Variants in AOC1 observed in about 807,000 individuals in gnomAD.
AOC1 encodes the protein amine oxidase copper containing 1.
A neutral mutation model predicts 57.1 loss-of-function variants in AOC1; 58 were observed. The observed-to-expected ratio is 1.02, with a 90% CI of 0.82 to 1.26. The LOEUF is 1.26. Among genes scored for constraint, AOC1 ranks in the 50% most tolerant of loss-of-function variants. The probability of loss-of-function intolerance (pLI) is 0.00; values close to 1 mark genes in which losing one functional copy is unlikely to be tolerated. For missense variants in AOC1, 917 were observed against 1,005.3 expected, an observed-to-expected ratio of 0.91 and a Z score of 1.19; for synonymous variants, 401 against 423.4, an observed-to-expected ratio of 0.95 and a Z score of 0.65.
In AOC1 at chr7:150,857,513, A is replaced by G. The variant is rs777197386; in HGVS notation, c.1043A>G (p.Tyr348Cys). 4 of 1,613,800 alleles carry G rather than the reference A, an allele frequency of 2.5e-6. No individual in the cohort carries two copies. Among genetic ancestry groups the G allele is most frequent in the African/African-American group, 2.7e-5 (2 of 74,928 alleles). Residue 348 changes from tyrosine (Y) to cysteine (C), a missense_variant, in exon 2 of 5, where the codon TAT (tyrosine) becomes TGT (cysteine). Tyr to Cys is a radical substitution (Grantham distance 194). Transcript: ENST00000360937. The surrounding 1 kb of genome is among the most constrained non-coding windows in gnomAD (Gnocchi z 6.6). ...NVHFGGERIA[Y>C]EVSVQEAVAL... ...CACTTCGGCGGAGAGCGCATTGCCTATGAGGTCAGCGTGCAAGAGGCAGTG... is the reference window on the plus strand; with the variant it reads ...CACTTCGGCGGAGAGCGCATTGCCTGTGAGGTCAGCGTGCAAGAGGCAGTG...
rs1157114015 is a variant in AOC1, at chr7:150,861,112, A to G, written c.2159A>G (p.Asp720Gly). The change falls in exon 5 of 5, where the codon GAC becomes GGC. Residue 720 changes from aspartate (D) to glycine (G), a missense_variant. Coordinates refer to ENST00000360937, the MANE Select transcript of AOC1 (RefSeq NM_001091.4). This position sits in a 1 kb window ranked among gnomAD's most constrained non-coding sequence, Gnocchi z 4.5. Reference sequence around the variant, plus strand: ...GACACTGTGATCGTGTGGCCTCGGGACAACGGCCCCAACTACGTCCAGCGC... The same window carrying G: ...GACACTGTGATCGTGTGGCCTCGGGGCAACGGCCCCAACTACGTCCAGCGC... ...SRDTVIVWPR[D>G]NGPNYVQRWI... 1 of 1,614,012 alleles carries G rather than the reference A, an allele frequency of 6.2e-7. No individual in the cohort carries two copies. Among genetic ancestry groups the G allele is most frequent in the African/African-American group, 1.3e-5 (1 of 74,922 alleles).
At position 150,857,978 on chromosome 7, in the gene AOC1, C is replaced by A; in HGVS notation, c.1508C>A (p.Thr503Asn). Residue 503 changes from threonine (T) to asparagine (N), a missense_variant, in exon 2 of 5, where the codon ACC becomes AAC. Thr to Asn is a moderately conservative substitution (Grantham distance 65). Coordinates refer to ENST00000360937, the MANE Select transcript of AOC1 (RefSeq NM_001091.4). The surrounding 1 kb of genome is among the most constrained non-coding windows in gnomAD (Gnocchi z 6.6). ...CTGCGCCACGGCACTCGCCTGCACA[C>A]CCACCTGATTGGCAACATACACACT... ...EGLRHGTRLH[T>N]HLIGNIHTHL... The A allele has an allele frequency of 6.3e-7, 1 of 1,588,152 alleles. No homozygotes were observed. Among genetic ancestry groups the A allele is most frequent in the Non-Finnish European group, 8.5e-7 (1 of 1,171,410 alleles).
intron 1 of AOC1, chr7:150,854,002 A>G (rs1271198985): frequency 2.0e-5 from 3 of 152,200 alleles, no homozygotes; most frequent in Non-Finnish European, 2.9e-5. Flanking sequence ...AGCCTGGGCT[A>G]CAGAGCAAGA....
Position 150,858,739 on chromosome 7 carries a change from C to A in AOC1, c.1571-24C>A, listed in dbSNP as rs369063050. ...CAGTTCTGGCAGCTTGATTCTCGTT[C>A]TCCTTCTCCCTGCATACCTCCAGGC... On this transcript the variant is annotated intron_variant, in intron 2 of 4. Transcript: ENST00000360937. 1.3e-4 allele frequency: 197 copies of A among 1,568,446 alleles called. No individual in the cohort carries two copies. The Middle Eastern group carries it at 1.7e-3, about 14-fold the overall frequency.
Position 150,858,681 on chromosome 7 carries a change from G to A in AOC1, c.1571-82G>A, listed in dbSNP as rs188941154. On this transcript the variant is annotated intron_variant, in intron 2 of 4. Transcript: ENST00000360937. ...ACAGTTGGCTGTTGGATGTGGTGGA[G>A]GATGGAGATCCTGGGGTAGAATGAG... 3.2e-5 allele frequency: 46 copies of A among 1,418,226 alleles called. No individual in the cohort carries two copies. The African/African-American group carries it at 4.4e-4, about 14-fold the overall frequency. 87.9% of individuals were successfully genotyped at this position (1,418,226 alleles called of 1,614,324 possible).
Position 150,857,469 on chromosome 7 carries a change from G to A in AOC1, c.999G>A (p.Gly333=). 3 of 1,612,784 alleles carry A rather than the reference G, an allele frequency of 1.9e-6. No homozygotes were observed. The South Asian group carries it at 3.3e-5, about 18-fold the overall frequency. ...SFAFRLRSSS[G]LQVLNVHFGG... ...CCTTCCGGCTGCGCTCCTCCTCCGG[G>A]CTGCAGGTCCTGAACGTGCACTTCG... is the stretch of plus-strand genomic sequence containing the variant. Residue 333 remains glycine (G), a synonymous_variant, in exon 2 of 5, where the codon GGG becomes GGA. Transcript: ENST00000360937. The surrounding 1 kb of genome is among the most constrained non-coding windows in gnomAD (Gnocchi z 6.6).
chr7:150,860,803 G>T, intron 4 of AOC1, 140 bp from the exon 5 acceptor site: 1 of 1,366,886 alleles, frequency 7.3e-7, no homozygotes, highest in Non-Finnish European at 1.0e-6. Flanking sequence ...GGTCACAACA[G>T]AGCTGCTCAT....
At chr7:150,853,469 G>C (rs1035339651) in intron 1 of AOC1, among the ~76,000 whole-genome samples, 3 of 151,756 alleles carry the variant, frequency 2.0e-5, no homozygotes, top group Non-Finnish European at 4.4e-5. Flanking sequence ...TTTGTTAAAA[G>C]ACTTTTAATA....
chr7:150,861,071 C>T lies in AOC1; in HGVS notation c.2118C>T (p.Pro706=), dbSNP rs1799954847. ...LRPFNFFPED[P]SLASRDTVIV... Reference sequence around the variant, plus strand: ...CATTCAACTTCTTCCCAGAGGACCCCTCCCTGGCATCCAGAGACACTGTGA... The same window carrying T: ...CATTCAACTTCTTCCCAGAGGACCCTTCCCTGGCATCCAGAGACACTGTGA... The change falls in exon 5 of 5, where the codon CCC becomes CCT. Residue 706 remains proline (P), a synonymous_variant. Coordinates refer to ENST00000360937, the MANE Select transcript of AOC1 (RefSeq NM_001091.4). The surrounding 1 kb of genome is among the most constrained non-coding windows in gnomAD (Gnocchi z 4.5). 16 of 1,614,158 alleles carry T rather than the reference C, an allele frequency of 9.9e-6. No individual in the cohort carries two copies. Among genetic ancestry groups the T allele is most frequent in the Non-Finnish European group, 1.4e-5 (16 of 1,180,010 alleles).
In AOC1 at chr7:150,860,600, G is replaced by A. The variant is rs370273973; in HGVS notation, c.1956G>A (p.Gln652=). The change falls in exon 4 of 5, where the codon CAG becomes CAA. Residue 652 remains glutamine, a synonymous_variant. Transcript: ENST00000360937. ...GGCACCCGCCCGTGGTCTTTGAGCA[G>A]TTTCTTCACAACAACGAGAACATTG... ...DPWHPPVVFE[Q]FLHNNENIEN... The A allele has an allele frequency of 3.1e-6, 5 of 1,614,030 alleles. No homozygotes were observed. Among genetic ancestry groups the A allele is most frequent in the Admixed American group, 3.3e-5 (2 of 60,020 alleles).
chr7:150,858,619 C>A, intron 2 of AOC1, 144 bp from the exon 3 acceptor site: 1 of 893,706 alleles, frequency 1.1e-6, no homozygotes, highest in Non-Finnish European at 1.7e-6. Flanking sequence ...ATCACCACAG[C>A]CGCCCAGGGC....
chr7:150,855,366 A>G (rs942841662), intron 1 of AOC1, among the ~76,000 whole-genome samples: 1 of 152,202 alleles, frequency 6.6e-6, no homozygotes, highest in African/African-American at 2.4e-5. Flanking sequence ...AGGCAAGAGT[A>G]ACAGTCTCCC....
At position 150,861,099 on chromosome 7, in the gene AOC1, G is replaced by A. The variant is rs199683372; in HGVS notation, c.2146G>A (p.Val716Met). Reference sequence around the variant, plus strand: ...CCTGGCATCCAGAGACACTGTGATCGTGTGGCCTCGGGACAACGGCCCCAA... The same window carrying A: ...CCTGGCATCCAGAGACACTGTGATCATGTGGCCTCGGGACAACGGCCCCAA... ...PSLASRDTVI[V>M]WPRDNGPNYV... Residue 716 changes from valine to methionine, a missense_variant, in exon 5 of 5, where the codon GTG becomes ATG. Transcript: ENST00000360937. This position sits in a 1 kb window ranked among gnomAD's most constrained non-coding sequence, Gnocchi z 4.5. 42 of 1,614,010 alleles carry A rather than the reference G, an allele frequency of 2.6e-5. No individual in the cohort carries two copies. Among genetic ancestry groups the A allele is most frequent in the Middle Eastern group, 3.3e-4 (2 of 6,084 alleles).
At position 150,857,608 on chromosome 7, in the gene AOC1, A is replaced by G; in HGVS notation, c.1138A>G (p.Ser380Gly). Reference sequence around the variant, plus strand: ...CCTCGATGTCGGCTGGGGCCTGGGCAGCGTCACTCATGAGTTAGCCCCCGG... The same window carrying G: ...CCTCGATGTCGGCTGGGGCCTGGGCGGCGTCACTCATGAGTTAGCCCCCGG... ...KYLDVGWGLG[S>G]VTHELAPGID... The change falls in exon 2 of 5, where the codon AGC becomes GGC. Residue 380 changes from serine (S) to glycine (G), a missense_variant. Ser to Gly is a moderately conservative substitution (Grantham distance 56). Coordinates refer to ENST00000360937, the MANE Select transcript of AOC1 (RefSeq NM_001091.4). This position sits in a 1 kb window ranked among gnomAD's most constrained non-coding sequence, Gnocchi z 6.6. 1 of 1,613,996 alleles carries G rather than the reference A, an allele frequency of 6.2e-7. No individual in the cohort carries two copies. The highest frequency in any genetic ancestry group is 1.3e-5 in the African/African-American group (1 of 75,060).
chr7:150,857,975 A>C lies in AOC1; in HGVS notation c.1505A>C (p.His502Pro). The C allele has an allele frequency of 1.3e-6, 2 of 1,590,574 alleles. No homozygotes were observed. The highest frequency in any genetic ancestry group is 1.7e-6 in the Non-Finnish European group (2 of 1,172,378). The change falls in exon 2 of 5, where the codon CAC (histidine) becomes CCC (proline). Residue 502 changes from histidine to proline, a missense_variant. Coordinates refer to ENST00000360937, the MANE Select transcript of AOC1 (RefSeq NM_001091.4). The surrounding 1 kb of genome is among the most constrained non-coding windows in gnomAD (Gnocchi z 6.6). The stretch of plus-strand genomic sequence containing the variant: ...GGGCTGCGCCACGGCACTCGCCTGC[A>C]CACCCACCTGATTGGCAACATACAC... ...PEGLRHGTRLHTHLIGNIHTH... is the reference protein window; with the variant it reads ...PEGLRHGTRLPTHLIGNIHTH...
Position 150,861,028 on chromosome 7 carries a change from T to G in AOC1, c.2075T>G (p.Val692Gly). ...AACACAGCCACACCTGGGAACTCCG[T>G]GGGCTTCCTGCTCCGGCCATTCAAC... ...IPNTATPGNS[V>G]GFLLRPFNFF... The change falls in exon 5 of 5, where the codon GTG becomes GGG. Residue 692 changes from valine (V) to glycine (G), a missense_variant. Physicochemically the swap from Val to Gly is moderately radical, Grantham distance 109. Coordinates refer to ENST00000360937, the MANE Select transcript of AOC1 (RefSeq NM_001091.4). The surrounding 1 kb of genome is among the most constrained non-coding windows in gnomAD (Gnocchi z 4.5). The G allele has an allele frequency of 6.2e-7, 1 of 1,614,050 alleles. No individual in the cohort carries two copies. The highest frequency in any genetic ancestry group is 8.5e-7 in the Non-Finnish European group (1 of 1,179,972).
At chr7:150,860,376 A>T in intron 3 of AOC1, 125 bp from the exon 4 acceptor site, 1 of 1,539,220 alleles carries the variant, frequency 6.5e-7, no homozygotes, top group Non-Finnish European at 8.8e-7. Context: ...CCCAGGACAG[A>T]TGATCTGTCA....
intron 2 of AOC1, 59 bp from the exon 3 acceptor site, chr7:150,858,704 G>A (rs1400898873): frequency 4.6e-6 from 7 of 1,508,448 alleles, no homozygotes; most frequent in African/African-American, 1.4e-5. Context: ...GGGGTAGAAT[G>A]AGGAGGTTTC....
chr7:150,861,405 C>T lies in AOC1; in HGVS notation c.*196C>T, dbSNP rs932840972. Reference sequence around the variant, plus strand: ...ACACAGACATGCACACACACACAGACGTGCACACACACAGACGTGCACGCA... The same window carrying T: ...ACACAGACATGCACACACACACAGATGTGCACACACACAGACGTGCACGCA... On this transcript the variant is annotated 3_prime_UTR_variant, in exon 5 of 5. Transcript: ENST00000360937. The surrounding 1 kb of genome is among the most constrained non-coding windows in gnomAD (Gnocchi z 4.5). The T allele has an allele frequency of 3.8e-5, 22 of 583,944 alleles. No homozygotes were observed. In the South Asian group the frequency reaches 5.2e-4, roughly 14 times the overall value. The allele number at this position is 583,944 out of a possible 1,614,324, so 36.2% of individuals were successfully genotyped here.
Sources: allele counts gnomAD v4.1 joint callset (sites outside exome capture counted in the v4.1 genomes callset), GRCh38; gene constraint gnomAD v4.1.1; non-coding constraint Gnocchi (gnomAD v3.1); transcripts MANE v1.5; gene names NCBI Gene and HGNC (gene_info 2026-07-23, HGNC 2026-07-21).